Variants in MSN observed in about 807,000 individuals in gnomAD.
MSN encodes the protein epididymis luminal protein 70.
A neutral mutation model predicts 48.0 loss-of-function variants in MSN; 2 were observed. The observed-to-expected ratio is 0.04, with a 90% CI of 0.02 to 0.13. The LOEUF is 0.13. Ranked by LOEUF, MSN falls within the 10% of genes least tolerant of loss-of-function variation. The pLI is 1.00. For synonymous variants in MSN, 146 were observed against 166.9 expected (o/e 0.87, Z 0.97); for missense variants, 267 against 470.1 (o/e 0.57, Z 3.99).
At chrX:65,677,766 GA>G (rs1028353045) in intron 1 of MSN, among the ~76,000 whole-genome samples, 143 of 99,069 alleles carry the variant, frequency 1.4e-3, no homozygotes, top group African/African-American at 2.9e-3. Context: ...TAAAAAAAAA[GA>G]AAAAAAAAAA....
At chrX:65,632,735 A>G (rs2070568327) in intron 1 of MSN, among the ~76,000 whole-genome samples, 1 of 111,993 alleles carries the variant, frequency 8.9e-6, no homozygotes, top group African/African-American at 3.2e-5. Context: ...TCACGTGTAT[A>G]AAGTGTCTGG....
chrX:65,657,854 G>T (rs1269808313), intron 1 of MSN, among the ~76,000 whole-genome samples: 1 of 111,632 alleles, frequency 9.0e-6, no homozygotes, highest in Non-Finnish European at 1.9e-5. Flanking sequence ...GGTGGACTTT[G>T]GTCTGACACT....
intron 1 of MSN, among the ~76,000 whole-genome samples, chrX:65,618,010 A>G (rs1388776725): frequency 9.2e-6 from 1 of 108,476 alleles, no homozygotes; most frequent in African/African-American, 3.4e-5. Context: ...CATGTAGTTG[A>G]GCGGTATTGA....
chrX:65,691,037 A>G (rs189577901), intron 1 of MSN, among the ~76,000 whole-genome samples: 62 of 111,228 alleles, frequency 5.6e-4, no homozygotes, highest in African/African-American at 2.0e-3. Context: ...TGAGTAGGAC[A>G]CTTTGGGTTT....
chrX:65,607,961 G>A (rs771155702), intron 1 of MSN, among the ~76,000 whole-genome samples: 4 of 111,937 alleles, frequency 3.6e-5, no homozygotes, highest in African/African-American at 1.3e-4. Context: ...TTAAAATTAA[G>A]AAATAAAAAG....
At chrX:65,608,362 T>C (rs753121534) in intron 1 of MSN, among the ~76,000 whole-genome samples, 2 of 111,140 alleles carry the variant, frequency 1.8e-5, no homozygotes, top group African/African-American at 6.5e-5. Flanking sequence ...TTCTAGGAGA[T>C]GTGTTCATAC....
intron 1 of MSN, among the ~76,000 whole-genome samples, chrX:65,702,892 A>G (rs183136955): frequency 2.6e-3 from 286 of 112,043 alleles, no homozygotes; most frequent in Non-Finnish European, 4.7e-3. Flanking sequence ...CTGCCTTTCC[A>G]TAGGATTCTG....
chrX:65,601,404 T>A (rs2070234064), intron 1 of MSN, among the ~76,000 whole-genome samples: 1 of 112,201 alleles, frequency 8.9e-6, no homozygotes, highest in Non-Finnish European at 1.9e-5. Flanking sequence ...GTGTCACACC[T>A]TCCTCCCTCT....
At chrX:65,635,460 A>C (rs2070591146) in intron 1 of MSN, among the ~76,000 whole-genome samples, 1 of 111,710 alleles carries the variant, frequency 9.0e-6, no homozygotes, top group African/African-American at 3.3e-5. Context: ...GCCCTCCAGC[A>C]GACAGTTAAG....
At chrX:65,596,299 T>C (rs918957715) in intron 1 of MSN, among the ~76,000 whole-genome samples, 2 of 111,261 alleles carry the variant, frequency 1.8e-5, no homozygotes, top group Non-Finnish European at 3.8e-5. Context: ...ATGCAGTCCT[T>C]GCTTAAGCTG....
chrX:65,729,806 C>A lies in MSN; in HGVS notation c.467+94C>A, dbSNP rs956094790. The A allele has an allele frequency of 4.3e-6, 4 of 936,223 alleles. No individual in the cohort carries two copies. The African/African-American group carries it at 7.8e-5, about 18-fold the overall frequency. 77.2% of individuals were successfully genotyped at this position (936,223 alleles called of 1,213,427 possible). A position where few individuals can be genotyped will look rare whatever the true frequency, so the allele number is the denominator to read the frequency against. On this transcript the variant is annotated intron_variant, in intron 4 of 12. Transcript: ENST00000360270. ...GCCTCACAGGGATGCCAGATCTGTT[C>A]TTCTCCATTGGGGTCTGTCTGAAGA...
intron 1 of MSN, among the ~76,000 whole-genome samples, chrX:65,711,387 G>A (rs1249382231): frequency 9.1e-6 from 1 of 109,808 alleles, no homozygotes; most frequent in African/African-American, 3.3e-5. Context: ...GTAGAGATGG[G>A]GTTTCACCAT....
chrX:65,595,886 A>C (rs1181596140), intron 1 of MSN, among the ~76,000 whole-genome samples: 1 of 112,147 alleles, frequency 8.9e-6, no homozygotes, highest in Non-Finnish European at 1.9e-5. Flanking sequence ...ATGCCAGTTC[A>C]GAACTTTTGA....
At chrX:65,628,044 G>T (rs1329299742) in intron 1 of MSN, among the ~76,000 whole-genome samples, 2 of 112,630 alleles carry the variant, frequency 1.8e-5, no homozygotes, top group African/African-American at 3.2e-5. Context: ...GTTTTGGGCA[G>T]CTCCACCCTT....
At chrX:65,647,816 A>G (rs1274695274) in intron 1 of MSN, among the ~76,000 whole-genome samples, 1 of 112,369 alleles carries the variant, frequency 8.9e-6, no homozygotes, top group Non-Finnish European at 1.9e-5. Flanking sequence ...GAGCCATACC[A>G]TAAATGCCTT....
At chrX:65,715,601 G>C (rs1198570220) in intron 1 of MSN, among the ~76,000 whole-genome samples, 1 of 111,725 alleles carries the variant, frequency 9.0e-6, no homozygotes, top group Non-Finnish European at 1.9e-5. Flanking sequence ...GAATGGGATT[G>C]CCTTCCTGAT....
intron 1 of MSN, among the ~76,000 whole-genome samples, chrX:65,641,271 T>C (rs2070647038): frequency 9.2e-6 from 1 of 108,649 alleles, no homozygotes; most frequent in African/African-American, 3.3e-5. Flanking sequence ...TGCTCACGCC[T>C]GTAATCCCAG....
intron 1 of MSN, among the ~76,000 whole-genome samples, chrX:65,637,696 CT>C (rs113201256): frequency 0.056 from 5,939 of 106,364 alleles, 422 homozygotes; most frequent in African/African-American, 0.19. Context: ...CTATTTATTT[CT>C]TTTTTTTTTA....
chrX:65,594,221 G>C (rs997834569), intron 1 of MSN, among the ~76,000 whole-genome samples: 16 of 112,050 alleles, frequency 1.4e-4, no homozygotes, highest in African/African-American at 4.9e-4. Flanking sequence ...ATGAAGTTTA[G>C]AGAAGCGGGG....
Sources: gnomAD v4.1 joint callset for allele counts (sites outside exome capture counted in the v4.1 genomes callset) on GRCh38, gnomAD v4.1.1 for gene constraint, MANE v1.5 for transcripts, NCBI Gene and HGNC (gene_info 2026-07-23, HGNC 2026-07-21) for gene names.